Variants in SDK1 observed in about 807,000 individuals in gnomAD.
SDK1 encodes sidekick cell adhesion molecule 1, also known as protein sidekick-1.
In SDK1, 157 loss-of-function variants were observed where a neutral mutation model predicts 245.5. That is an observed-to-expected ratio of 0.64 (90% CI 0.56 to 0.73). The LOEUF (loss-of-function observed/expected upper bound fraction) is 0.73. SDK1 is among the 30% of genes least tolerant of loss of function. SDK1 has a pLI of 0.00. For synonymous variants in SDK1, 1,647 were observed against 1,278.5 expected (o/e 1.29, Z -6.15); for missense variants, 3,583 against 3,002.3 (o/e 1.19, Z -4.52).
chr7:4,061,341 T>C (rs1779526362), intron 19 of SDK1, among the ~76,000 whole-genome samples: 1 of 152,154 alleles, frequency 6.6e-6, no homozygotes, highest in Non-Finnish European at 1.5e-5. Context: ...GTAGTTCTCC[T>C]TGAAGAGGTC....
chr7:3,902,946 G>T (rs756467410), intron 5 of SDK1, among the ~76,000 whole-genome samples: 4 of 151,960 alleles, frequency 2.6e-5, no homozygotes, highest in African/African-American at 4.8e-5. Context: ...AAGACAAATG[G>T]CCTAATTTTA....
intron 26 of SDK1, chr7:4,129,569 A>G: frequency 1.2e-6 from 1 of 804,036 alleles, no homozygotes; most frequent in Non-Finnish European, 1.6e-6. Flanking sequence ...GGCAGGAAGC[A>G]GAGTGTTGTC....
chr7:4,006,932 C>T (rs1053752630), intron 14 of SDK1, among the ~76,000 whole-genome samples: 1 of 152,236 alleles, frequency 6.6e-6, no homozygotes. Context: ...GGGAAAGCGG[C>T]GTCTCCAGGC....
chr7:3,496,337 G>A (rs1782025636), intron 1 of SDK1, among the ~76,000 whole-genome samples: 1 of 152,126 alleles, frequency 6.6e-6, no homozygotes, highest in Non-Finnish European at 1.5e-5. Flanking sequence ...CAATAGCACT[G>A]TTTGGAGTCT....
In SDK1 at chr7:4,224,547, G is replaced by A. The variant is rs911552739; in HGVS notation, c.5827+3183G>A. 8.5e-5 allele frequency among the ~76,000 whole-genome samples: 13 copies of A among 152,152 alleles called. No homozygotes were observed. The South Asian group carries it at 1.0e-3, about 12-fold the overall frequency. ...CCCACCAGGCCCCTCCCCCAACACC[G>A]GGGACGATAATTCAACCTGAGATTT... On this transcript the variant is annotated intron_variant, in intron 40 of 44. Coordinates refer to ENST00000404826, the MANE Select transcript of SDK1 (RefSeq NM_152744.4).
At chr7:3,391,729 C>G (rs1191059928) in intron 1 of SDK1, among the ~76,000 whole-genome samples, 2 of 150,426 alleles carry the variant, frequency 1.3e-5, no homozygotes, top group African/African-American at 4.9e-5. Flanking sequence ...CTCCGCTTGC[C>G]AGGTTTAAGT....
At chr7:4,228,868 G>A (rs1184139939) in intron 40 of SDK1, among the ~76,000 whole-genome samples, 2 of 152,218 alleles carry the variant, frequency 1.3e-5, no homozygotes, top group South Asian at 2.1e-4. Flanking sequence ...AACACAGCTC[G>A]TTCACTGGGG....
chr7:3,682,003 T>C (rs1449222407), intron 4 of SDK1, among the ~76,000 whole-genome samples: 1 of 152,178 alleles, frequency 6.6e-6, no homozygotes, highest in Non-Finnish European at 1.5e-5. Flanking sequence ...TGTTCTGCAG[T>C]GAAAAGTAAA....
chr7:3,979,166 C>T (rs1327816961), intron 13 of SDK1, among the ~76,000 whole-genome samples: 1 of 152,210 alleles, frequency 6.6e-6, no homozygotes, highest in Non-Finnish European at 1.5e-5. Context: ...TTCTCAGCTT[C>T]TGCCTCTCAC....
chr7:3,716,605 C>A (rs545678271), intron 4 of SDK1, among the ~76,000 whole-genome samples: 33 of 151,596 alleles, frequency 2.2e-4, no homozygotes, highest in Non-Finnish European at 3.7e-4. Flanking sequence ...ACAAACAAAT[C>A]AAAAAATTAG....
At chr7:3,307,768 C>G (rs938067738) in intron 1 of SDK1, among the ~76,000 whole-genome samples, 14 of 152,142 alleles carry the variant, frequency 9.2e-5, no homozygotes, top group African/African-American at 2.9e-4. Context: ...CATTCTGTAA[C>G]TACTGTGCAA....
chr7:3,556,897 C>T (rs1017334223), intron 1 of SDK1, among the ~76,000 whole-genome samples: 1 of 152,046 alleles, frequency 6.6e-6, no homozygotes, highest in African/African-American at 2.4e-5. Context: ...ACCCCGTTTA[C>T]CCTGATGTGA....
intron 26 of SDK1, 197 bp from the exon 27 acceptor site, chr7:4,129,711 C>T (rs977585203): frequency 2.3e-5 from 32 of 1,417,782 alleles, no homozygotes; most frequent in Non-Finnish European, 2.7e-5. Flanking sequence ...TCCCCTGGAG[C>T]GCAGTCACTT....
chr7:3,827,612 A>G (rs1255606390), intron 5 of SDK1, among the ~76,000 whole-genome samples: 2 of 152,244 alleles, frequency 1.3e-5, no homozygotes, highest in Admixed American at 1.3e-4. Flanking sequence ...CTTCATTACA[A>G]ATAACTTGAT....
At chr7:3,363,378 T>A (rs1483780273) in intron 1 of SDK1, among the ~76,000 whole-genome samples, 1 of 152,180 alleles carries the variant, frequency 6.6e-6, no homozygotes, top group African/African-American at 2.4e-5. Flanking sequence ...ATTAAAGACA[T>A]CTGGGTTGTT....
intron 4 of SDK1, among the ~76,000 whole-genome samples, chr7:3,704,226 CTTT>C (rs766693529): frequency 6.6e-6 from 1 of 151,736 alleles, no homozygotes; most frequent in South Asian, 2.1e-4. Flanking sequence ...TTATTTTGTT[CTTT>C]TTTTTATGGA....
At chr7:4,191,801 C>T (rs749706003) in intron 35 of SDK1, among the ~76,000 whole-genome samples, 1 of 152,240 alleles carries the variant, frequency 6.6e-6, no homozygotes, top group African/African-American at 2.4e-5. Context: ...CTGGGCTATC[C>T]CCACAGAGGA....
At chr7:3,473,134 A>G (rs1781235928) in intron 1 of SDK1, among the ~76,000 whole-genome samples, 2 of 152,212 alleles carry the variant, frequency 1.3e-5, no homozygotes. Context: ...CTTGTGAGGA[A>G]GGTCAGCATT....
intron 4 of SDK1, among the ~76,000 whole-genome samples, chr7:3,802,280 T>A (rs1486773890): frequency 6.6e-6 from 1 of 152,058 alleles, no homozygotes; most frequent in Non-Finnish European, 1.5e-5. Flanking sequence ...TCCCAGCACT[T>A]TGGGAGGCCG....
Sources: gnomAD v4.1 joint callset for allele counts (sites outside exome capture counted in the v4.1 genomes callset) on GRCh38, gnomAD v4.1.1 for gene constraint, MANE v1.5 for transcripts, NCBI Gene and HGNC (gene_info 2026-07-23, HGNC 2026-07-21) for gene names.